The following PRKCE variants were observed in gnomAD, a reference collection of about 807,000 sequenced individuals.
PRKCE encodes the protein protein kinase C epsilon.
A neutral mutation model predicts 85.4 loss-of-function variants in PRKCE; 16 were observed. The ratio of observed to expected loss-of-function variants is 0.19; its 90% CI spans 0.13 to 0.28. The LOEUF (loss-of-function observed/expected upper bound fraction) is 0.28, where lower values mean the gene tolerates loss of function less well. Among genes scored for constraint, PRKCE ranks in the 10% least tolerant of loss-of-function variants. The pLI, the probability that PRKCE is intolerant of heterozygous loss-of-function variation, is 1.00. For synonymous variants in PRKCE, 388 were observed against 371.5 expected, an observed-to-expected ratio of 1.04 and a Z score of -0.51; for missense variants, 573 against 975.2, an observed-to-expected ratio of 0.59 and a Z score of 5.49.
At chr2:45,684,768 C>T (rs535503) in intron 1 of PRKCE, among the ~76,000 whole-genome samples, 115,805 of 152,100 alleles carry the variant, frequency 0.76, 44,361 homozygotes, top group African/African-American at 0.84. Context: ...GCAGTGCTTT[C>T]TGTGACGTGT....
chr2:45,813,652 C>T (rs1688812245), intron 1 of PRKCE, among the ~76,000 whole-genome samples: 1 of 152,154 alleles, frequency 6.6e-6, no homozygotes, highest in East Asian at 1.9e-4. Flanking sequence ...CAAGCCACTT[C>T]CAGCATACAG....
intron 1 of PRKCE, among the ~76,000 whole-genome samples, chr2:45,712,492 A>G (rs1424666493): frequency 6.6e-6 from 1 of 151,976 alleles, no homozygotes; most frequent in Non-Finnish European, 1.5e-5. Context: ...TGATCATGCT[A>G]TTCCCCCTGC....
chr2:45,838,606 A>G (rs968186753), intron 1 of PRKCE, among the ~76,000 whole-genome samples: 1 of 152,048 alleles, frequency 6.6e-6, no homozygotes, highest in Non-Finnish European at 1.5e-5. Flanking sequence ...ATTTTAAAGT[A>G]CAATACTCTT....
chr2:45,982,753 C>T (rs1265123657), intron 5 of PRKCE, among the ~76,000 whole-genome samples: 4 of 152,206 alleles, frequency 2.6e-5, no homozygotes, highest in Non-Finnish European at 5.9e-5. Context: ...CTTCATCCTC[C>T]TCCCTCTGTT....
At chr2:45,901,177 G>A (rs1696551977) in intron 2 of PRKCE, among the ~76,000 whole-genome samples, 1 of 152,206 alleles carries the variant, frequency 6.6e-6, no homozygotes, top group East Asian at 1.9e-4. Context: ...ATTGAGATTT[G>A]AGATGCAGAA....
intron 1 of PRKCE, among the ~76,000 whole-genome samples, chr2:45,815,171 A>G (rs1688941103): frequency 6.6e-6 from 1 of 152,246 alleles, no homozygotes; most frequent in Non-Finnish European, 1.5e-5. Context: ...TAAGAGGATT[A>G]TGCAGGAAAT....
At chr2:46,081,237 A>T (rs946966910) in intron 10 of PRKCE, among the ~76,000 whole-genome samples, 1 of 152,156 alleles carries the variant, frequency 6.6e-6, no homozygotes, top group Admixed American at 6.5e-5. Flanking sequence ...AGCCTCCCAA[A>T]GTGCTGGGAT....
At position 46,013,563 on chromosome 2, in the gene PRKCE, G is replaced by C. The variant is rs549750580; in HGVS notation, c.1437+3046G>C. On this transcript the variant is annotated intron_variant, in intron 10 of 14. Coordinates refer to ENST00000306156, the MANE Select transcript of PRKCE (RefSeq NM_005400.3). ...TTTGGTAGCCACAGAATTCAGTCTT[G>C]ATTGAGTTTCACTTTTCCTGAAAAC... 5.1e-3 allele frequency among the ~76,000 whole-genome samples: 780 copies of C among 152,246 alleles called. 4 individuals carry two copies. Among genetic ancestry groups the C allele is most frequent in the Non-Finnish European group, 8.0e-3 (542 of 67,996 alleles).
chr2:45,789,491 A>G (rs1250572977), intron 1 of PRKCE, among the ~76,000 whole-genome samples: 1 of 152,180 alleles, frequency 6.6e-6, no homozygotes, highest in Non-Finnish European at 1.5e-5. Flanking sequence ...ACTCCAGTGG[A>G]GCATAGCTCC....
intron 1 of PRKCE, among the ~76,000 whole-genome samples, chr2:45,677,523 AT>A (rs1163124222): frequency 6.6e-6 from 1 of 151,816 alleles, no homozygotes; most frequent in East Asian, 1.9e-4. Flanking sequence ...CGCCCGGCTA[AT>A]TTTTTGTATT....
chr2:45,918,934 C>T (rs1403448511), intron 2 of PRKCE, among the ~76,000 whole-genome samples: 1 of 152,238 alleles, frequency 6.6e-6, no homozygotes, highest in Non-Finnish European at 1.5e-5. Context: ...TTCCCCTTTG[C>T]TGTCACACAC....
chr2:46,018,046 T>C (rs1177436650), intron 10 of PRKCE, among the ~76,000 whole-genome samples: 1 of 152,212 alleles, frequency 6.6e-6, no homozygotes, highest in Non-Finnish European at 1.5e-5. Context: ...AGCTCAATTT[T>C]ACATGAACTC....
intron 1 of PRKCE, among the ~76,000 whole-genome samples, chr2:45,673,025 T>A (rs1214591616): frequency 6.6e-6 from 1 of 152,086 alleles, no homozygotes; most frequent in Non-Finnish European, 1.5e-5. Flanking sequence ...ACAGAGCAAG[T>A]CCCTGTCTCT....
chr2:45,981,173 G>C (rs899743754), intron 5 of PRKCE, among the ~76,000 whole-genome samples: 3 of 152,222 alleles, frequency 2.0e-5, no homozygotes, highest in Non-Finnish European at 4.4e-5. Context: ...TTACGAGAAT[G>C]ATAGTCCCAC....
chr2:45,734,786 C>T (rs1218884144), intron 1 of PRKCE, among the ~76,000 whole-genome samples: 2 of 152,214 alleles, frequency 1.3e-5, no homozygotes, highest in Non-Finnish European at 2.9e-5. Flanking sequence ...TGCGCCCCTC[C>T]TCCCCAGGAC....
chr2:46,018,112 G>T (rs1030854081), intron 10 of PRKCE, among the ~76,000 whole-genome samples: 1 of 152,206 alleles, frequency 6.6e-6, no homozygotes, highest in Admixed American at 6.5e-5. Context: ...GAGGAGCAGG[G>T]TTGATCAGCC....
chr2:45,814,323 G>A lies in PRKCE; in HGVS notation c.349-28677G>A, dbSNP rs576283035. On this transcript the variant is annotated intron_variant, in intron 1 of 14. Transcript: ENST00000306156. ...TAGAGAATCTCAGACCTGAGTAATT[G>A]GATGCCCCGATACCCTTGCCTCGCA... 1.6e-3 allele frequency among the ~76,000 whole-genome samples: 247 copies of A among 152,344 alleles called. 3 individuals carry two copies. Among genetic ancestry groups the A allele is most frequent in the African/African-American group, 5.4e-3 (225 of 41,594 alleles).
chr2:45,884,535 G>A (rs1695102288), intron 2 of PRKCE, among the ~76,000 whole-genome samples: 2 of 152,132 alleles, frequency 1.3e-5, no homozygotes, highest in Non-Finnish European at 2.9e-5. Flanking sequence ...GGCAGCAAGT[G>A]TCTTGTCTCG....
intron 2 of PRKCE, among the ~76,000 whole-genome samples, chr2:45,876,300 A>C (rs989421213): frequency 9.9e-5 from 15 of 151,954 alleles, no homozygotes; most frequent in African/African-American, 3.6e-4. Context: ...CAGAACACAA[A>C]CCCTCTGTCA....
Sources: allele counts gnomAD v4.1 joint callset (sites outside exome capture counted in the v4.1 genomes callset), GRCh38; gene constraint gnomAD v4.1.1; transcripts MANE v1.5; gene names NCBI Gene and HGNC (gene_info 2026-07-23, HGNC 2026-07-21).